The following KCNU1 variants were observed in gnomAD, a reference collection of about 807,000 sequenced individuals.
The protein encoded by KCNU1 is potassium channel subfamily U member 1.
KCNU1 carries 93 observed loss-of-function variants against 126.8 expected under a neutral mutation model. The observed-to-expected ratio is 0.73, with a 90% CI of 0.62 to 0.87. The LOEUF is 0.87. KCNU1 is among the 40% of genes least tolerant of loss of function. The pLI is 0.00. For synonymous variants in KCNU1, 523 were observed against 494.2 expected (o/e 1.06, Z -0.77); for missense variants, 1,330 against 1,367.1 (o/e 0.97, Z 0.43).
intron 22 of KCNU1, among the ~76,000 whole-genome samples, chr8:36,916,940 A>C (rs1350817281): frequency 1.3e-5 from 2 of 152,176 alleles, no homozygotes; most frequent in African/African-American, 4.8e-5. Context: ...GAGGTGGAAA[A>C]GGTGTGAAAT....
chr8:36,889,122 ACCTG>A, intron 19 of KCNU1: 2 of 532,708 alleles, frequency 3.8e-6, no homozygotes, highest in Non-Finnish European at 7.7e-6. Context: ...CAAGTGATCC[ACCTG>A]CTTTGGCCTT....
chr8:36,873,334 T>G (rs1297572306), intron 19 of KCNU1, among the ~76,000 whole-genome samples: 1 of 152,096 alleles, frequency 6.6e-6, no homozygotes, highest in African/African-American at 2.4e-5. Flanking sequence ...GACCCATGCT[T>G]GGCTCCTAAG....
At chr8:36,840,031 A>G (rs1323299228) in intron 14 of KCNU1, among the ~76,000 whole-genome samples, 2 of 152,206 alleles carry the variant, frequency 1.3e-5, no homozygotes, top group Non-Finnish European at 2.9e-5. Flanking sequence ...AGCTATGAAT[A>G]TTTTCTTCTT....
chr8:36,869,040 T>C (rs1806008328), intron 19 of KCNU1, among the ~76,000 whole-genome samples: 1 of 152,298 alleles, frequency 6.6e-6, no homozygotes, highest in Admixed American at 6.5e-5. Flanking sequence ...CTGCTTCTTC[T>C]CTATCAAAAC....
intron 18 of KCNU1, among the ~76,000 whole-genome samples, chr8:36,864,082 G>A (rs959793736): frequency 3.3e-5 from 5 of 152,052 alleles, no homozygotes; most frequent in South Asian, 4.1e-4. Flanking sequence ...CTTTCTTAGC[G>A]TCCTAAGGTG....
intron 18 of KCNU1, among the ~76,000 whole-genome samples, chr8:36,859,345 T>A (rs2067886): frequency 0.35 from 53,816 of 151,986 alleles, 10,109 homozygotes; most frequent in Admixed American, 0.43. Flanking sequence ...ATTTTATGGG[T>A]TTAGAGCCAG....
chr8:36,885,828 A>G (rs1481783166), intron 19 of KCNU1, among the ~76,000 whole-genome samples: 1 of 152,108 alleles, frequency 6.6e-6, no homozygotes, highest in Non-Finnish European at 1.5e-5. Flanking sequence ...ATACAATCAG[A>G]GCATTCTCCA....
intron 19 of KCNU1, among the ~76,000 whole-genome samples, chr8:36,879,230 T>TAC (rs1171615728): frequency 7.0e-6 from 1 of 143,358 alleles, no homozygotes; most frequent in Non-Finnish European, 1.5e-5. Context: ...TATATATATA[T>TAC]ATATATATAC....
intron 24 of KCNU1, chr8:36,928,855 G>A (rs1808610594): frequency 1.7e-6 from 1 of 585,748 alleles, no homozygotes; most frequent in Non-Finnish European, 3.0e-6. Flanking sequence ...GAACCACTCA[G>A]AGTGCCCTTT....
At chr8:36,879,363 A>G (rs1163264245) in intron 19 of KCNU1, among the ~76,000 whole-genome samples, 1 of 151,814 alleles carries the variant, frequency 6.6e-6, no homozygotes, top group African/African-American at 2.4e-5. Flanking sequence ...ACTCAGTGGT[A>G]TAGCACACAC....
intron 10 of KCNU1, among the ~76,000 whole-genome samples, chr8:36,829,281 C>T (rs948717891): frequency 6.6e-6 from 1 of 151,814 alleles, no homozygotes; most frequent in Non-Finnish European, 1.5e-5. Context: ...TTATTATAGT[C>T]AAATATTGAA....
At chr8:36,786,335 AT>A (rs1354658609) in intron 1 of KCNU1, among the ~76,000 whole-genome samples, 1 of 152,134 alleles carries the variant, frequency 6.6e-6, no homozygotes, top group Non-Finnish European at 1.5e-5. Context: ...CATACCTAGG[AT>A]TTTTTAAAAT....
chr8:36,921,916 G>T (rs1015639994), intron 23 of KCNU1, among the ~76,000 whole-genome samples: 6 of 152,098 alleles, frequency 3.9e-5, no homozygotes, highest in African/African-American at 9.7e-5. Flanking sequence ...CTGGGAACTG[G>T]CTGGGCACGT....
chr8:36,898,089 A>G (rs925636701), intron 19 of KCNU1, among the ~76,000 whole-genome samples: 3 of 152,070 alleles, frequency 2.0e-5, no homozygotes, highest in African/African-American at 7.2e-5. Flanking sequence ...GGTCCTTCCA[A>G]TGTTTTCAAA....
intron 1 of KCNU1, 36 bp downstream of exon 1, chr8:36,784,641 T>G: frequency 1.3e-6 from 2 of 1,501,850 alleles, no homozygotes; most frequent in African/African-American, 2.8e-5. Flanking sequence ...CTGTGTGAAG[T>G]CAGAGATGAG....
chr8:36,787,442 T>C lies in KCNU1; in HGVS notation c.315+17T>C, dbSNP rs768315631. 2 of 1,593,592 alleles carry C rather than the reference T, an allele frequency of 1.3e-6. No homozygotes were observed. The highest frequency in any genetic ancestry group is 1.7e-6 in the Non-Finnish European group (2 of 1,168,686). On this transcript the variant is annotated intron_variant, in intron 2 of 26. Transcript: ENST00000399881. ...CAAGTGTTGGTAAGTACATTTTCAG[T>C]GTTAGCTTGCTAACAAACTTTAGCC... is the stretch of plus-strand genomic sequence containing the variant.
Position 36,910,999 on chromosome 8 carries a change from TC to T in KCNU1, c.2408del (p.Pro803HisfsTer11), listed in dbSNP as rs761362657. On this transcript the variant is annotated frameshift_variant, in exon 22 of 27. Transcript: ENST00000399881. LOFTEE classifies it high-confidence loss of function. Reference protein sequence around the residue: ...IEQCSMCAVLSPPPQPSSNQT... With the variant: ...IEQCSMCAVLXPPPQPSSNQT... ...GCAATGCTCCATGTGTGCTGTCTTG[TC>T]CCCCCCACCCCAGCCATCAAGCAAC... 15 of 1,612,050 alleles carry T rather than the reference TC, an allele frequency of 9.3e-6. No homozygotes were observed. The highest frequency in any genetic ancestry group is 2.2e-5 in the South Asian group (2 of 90,976).
At chr8:36,914,601 G>C (rs1453612917) in intron 22 of KCNU1, among the ~76,000 whole-genome samples, 2 of 152,082 alleles carry the variant, frequency 1.3e-5, no homozygotes, top group Non-Finnish European at 2.9e-5. Flanking sequence ...GAGGCGGGGG[G>C]TTTTGGGGGA....
At chr8:36,792,267 G>A (rs1429313198) in intron 2 of KCNU1, among the ~76,000 whole-genome samples, 1 of 152,102 alleles carries the variant, frequency 6.6e-6, no homozygotes, top group African/African-American at 2.4e-5. Flanking sequence ...AGGTGTTCAG[G>A]CCACTTAGGA....
Sources: allele counts gnomAD v4.1 joint callset (sites outside exome capture counted in the v4.1 genomes callset), GRCh38; gene constraint gnomAD v4.1.1; transcripts MANE v1.5; gene names NCBI Gene and HGNC (gene_info 2026-07-23, HGNC 2026-07-21).